Variants in PLEKHM2 observed in about 807,000 individuals in gnomAD.
PLEKHM2 encodes the protein pleckstrin homology domain-containing family M member 2.
A neutral mutation model predicts 116.3 loss-of-function variants in PLEKHM2; 77 were observed. That is an observed-to-expected ratio of 0.66 (90% CI 0.55 to 0.80). The LOEUF is 0.80. Among genes scored for constraint, PLEKHM2 ranks in the 30% least tolerant of loss-of-function variants. PLEKHM2 has a pLI of 0.00. For synonymous variants in PLEKHM2, 562 were observed against 571.0 expected (o/e 0.98, Z 0.22); for missense variants, 1,183 against 1,354.9 (o/e 0.87, Z 1.99).
rs1390978555 is a variant in PLEKHM2, at chr1:15,731,999, C to G, written c.2576C>G (p.Ala859Gly). 3.1e-6 allele frequency: 5 copies of G among 1,612,422 alleles called. No homozygotes were observed. The highest frequency in any genetic ancestry group is 4.2e-6 in the Non-Finnish European group (5 of 1,179,672). ...PCLELSAESE[A>G]EMAEWMQHLC... is the part of the protein sequence containing the mutation. ...CTGGAGCTAAGTGCCGAGAGCGAGGCCGAGATGGCCGAGTGGATGCAGCAT... is the reference window on the plus strand; with the variant it reads ...CTGGAGCTAAGTGCCGAGAGCGAGGGCGAGATGGCCGAGTGGATGCAGCAT... Residue 859 changes from alanine to glycine, a missense_variant, in exon 17 of 20, where the codon GCC (alanine) becomes GGC (glycine). Ala to Gly is a moderately conservative substitution (Grantham distance 60). Coordinates refer to ENST00000375799, the MANE Select transcript of PLEKHM2 (RefSeq NM_015164.4).
At position 15,728,724 on chromosome 1, in the gene PLEKHM2, CTA is replaced by C. The variant is rs778555344; in HGVS notation, c.1979_1980del (p.Tyr660CysfsTer6). ...EEAVSYNELD[Y>X]VSVGLDQQTV... ...AGGCCGTTTCTTACAATGAACTTGA[CTA>C]TGTGTCGGTGAGTCCAGGCCCCGCA... On this transcript the variant is annotated frameshift_variant, in exon 12 of 20. Coordinates refer to ENST00000375799, the MANE Select transcript of PLEKHM2 (RefSeq NM_015164.4). LOFTEE classifies it high-confidence loss of function. The surrounding 1 kb of genome is among the most constrained non-coding windows in gnomAD (Gnocchi z 5.9). 4.3e-6 allele frequency: 7 copies of C among 1,609,742 alleles called. No individual in the cohort carries two copies. Among genetic ancestry groups the C allele is most frequent in the Non-Finnish European group, 5.9e-6 (7 of 1,178,036 alleles).
At chr1:15,730,486 GC>G in intron 14 of PLEKHM2, 45 bp from the exon 15 acceptor site, 1 of 1,455,214 alleles carries the variant, frequency 6.9e-7, no homozygotes. Context: ...CACCTGCCTG[GC>G]CCAGGCCTTA....
In PLEKHM2 at chr1:15,728,244, C is replaced by A. The variant is rs1420637011; in HGVS notation, c.1831-23C>A. 6.8e-6 allele frequency: 11 copies of A among 1,611,728 alleles called. No homozygotes were observed. In the Admixed American group the frequency reaches 1.3e-4, roughly 20 times the overall value. ...GGAGCGGCAGGAGCCACCTGCCTGACCCTTGTCTGCTTCGGCCCCCAGATG... is the reference window on the plus strand; with the variant it reads ...GGAGCGGCAGGAGCCACCTGCCTGAACCTTGTCTGCTTCGGCCCCCAGATG... On this transcript the variant is annotated intron_variant, in intron 10 of 19. Transcript: ENST00000375799. The surrounding 1 kb of genome is among the most constrained non-coding windows in gnomAD (Gnocchi z 5.9).
At chr1:15,722,204 T>C (rs1423394893) in intron 7 of PLEKHM2, among the ~76,000 whole-genome samples, 2 of 152,190 alleles carry the variant, frequency 1.3e-5, no homozygotes, top group African/African-American at 4.8e-5. Context: ...AGTGCAGTGG[T>C]GTGATCTTGG....
Position 15,728,496 on chromosome 1 carries a change from C to G in PLEKHM2, c.1921+139C>G. 2 of 988,346 alleles carry G rather than the reference C, an allele frequency of 2.0e-6. No homozygotes were observed. Among genetic ancestry groups the G allele is most frequent in the South Asian group, 3.1e-5 (2 of 63,554 alleles). 61.2% of individuals were successfully genotyped at this position (988,346 alleles called of 1,614,324 possible). A position where few individuals can be genotyped will look rare whatever the true frequency, so the allele number is the denominator to read the frequency against. On this transcript the variant is annotated intron_variant, in intron 11 of 19. Coordinates refer to ENST00000375799, the MANE Select transcript of PLEKHM2 (RefSeq NM_015164.4). This position sits in a 1 kb window ranked among gnomAD's most constrained non-coding sequence, Gnocchi z 5.9. The stretch of plus-strand genomic sequence containing the variant: ...GAAAGGCACCCCAAGGAAGGTGTTG[C>G]CAGCAGCCCTGAGACGTGAGCCTGG...
chr1:15,725,052 G>GC (rs980452150), intron 7 of PLEKHM2, among the ~76,000 whole-genome samples: 1 of 152,176 alleles, frequency 6.6e-6, no homozygotes, highest in African/African-American at 2.4e-5. Context: ...CACCGCGGGG[G>GC]CCCTTAACAC....
chr1:15,728,469 T>C lies in PLEKHM2; in HGVS notation c.1921+112T>C. ...CTCCCGGCTGCCTGGCATGCAGTGATGGAAAGGCACCCCAAGGAAGGTGTT... is the reference window on the plus strand; with the variant it reads ...CTCCCGGCTGCCTGGCATGCAGTGACGGAAAGGCACCCCAAGGAAGGTGTT... On this transcript the variant is annotated intron_variant, in intron 11 of 19. Transcript: ENST00000375799. The surrounding 1 kb of genome is among the most constrained non-coding windows in gnomAD (Gnocchi z 5.9). 9.3e-7 allele frequency: 1 copy of C among 1,079,942 alleles called. No homozygotes were observed. The highest frequency in any genetic ancestry group is 1.4e-6 in the Non-Finnish European group (1 of 740,518). 66.9% of individuals were successfully genotyped at this position (1,079,942 alleles called of 1,614,324 possible). A position where few individuals can be genotyped will look rare whatever the true frequency, so the allele number is the denominator to read the frequency against.
chr1:15,726,298 C>T (rs2068062841), intron 8 of PLEKHM2, among the ~76,000 whole-genome samples: 1 of 152,230 alleles, frequency 6.6e-6, no homozygotes, highest in African/African-American at 2.4e-5. Context: ...CCAGCAGGGA[C>T]TGTCAACCAG....
chr1:15,718,517 G>C, intron 4 of PLEKHM2, 21 bp from the exon 5 acceptor site: 1 of 1,478,544 alleles, frequency 6.8e-7, no homozygotes, highest in South Asian at 1.2e-5. Context: ...AGGCACCATC[G>C]TGGCTTCTCA....
chr1:15,728,596 G>A lies in PLEKHM2; in HGVS notation c.1922-73G>A. On this transcript the variant is annotated intron_variant, in intron 11 of 19. Transcript: ENST00000375799. The surrounding 1 kb of genome is among the most constrained non-coding windows in gnomAD (Gnocchi z 5.9). ...GAGGCCCTCTAAGAGAGGGGGCTGT[G>A]TCTAAGAAAATGGGGCAGGGGGAGG... 1 of 1,359,606 alleles carries A rather than the reference G, an allele frequency of 7.4e-7. No individual in the cohort carries two copies. The highest frequency in any genetic ancestry group is 1.2e-5 in the South Asian group (1 of 80,820). 84.2% of individuals were successfully genotyped at this position (1,359,606 alleles called of 1,614,324 possible). A position where few individuals can be genotyped will look rare whatever the true frequency, so the allele number is the denominator to read the frequency against.
At chr1:15,705,447 G>A (rs964188043) in intron 1 of PLEKHM2, among the ~76,000 whole-genome samples, 7 of 151,996 alleles carry the variant, frequency 4.6e-5, no homozygotes, top group East Asian at 1.9e-4. Context: ...CTCCCAAAGC[G>A]CTGGGATTAT....
chr1:15,689,630 CTT>C (rs999570627), intron 1 of PLEKHM2, among the ~76,000 whole-genome samples: 5 of 151,516 alleles, frequency 3.3e-5, no homozygotes, highest in African/African-American at 4.8e-5. Context: ...AGAGAACACA[CTT>C]ACAGCACTTA....
chr1:15,732,827 G>A, intron 19 of PLEKHM2, 99 bp downstream of exon 19: 1 of 799,914 alleles, frequency 1.3e-6, no homozygotes, highest in East Asian at 2.7e-5. Flanking sequence ...ACTTGGCCCT[G>A]CCTCCAGGGT....
At position 15,700,328 on chromosome 1, in the gene PLEKHM2, C is replaced by CT. The variant is rs548347529; in HGVS notation, c.60+15711dup. Among the ~76,000 whole-genome samples, 11 of 152,280 alleles carry CT rather than the reference C, an allele frequency of 7.2e-5. No individual in the cohort carries two copies. In the South Asian group the frequency reaches 2.3e-3, roughly 32 times the overall value. On this transcript the variant is annotated intron_variant, in intron 1 of 19. Transcript: ENST00000375799. ...GGGGTGGTGGCAGCTGATGTCCTGA[C>CT]TGCTTTATCTCCAGGTGGGATGAAG...
At chr1:15,710,442 C>G (rs552168091) in intron 1 of PLEKHM2, among the ~76,000 whole-genome samples, 1 of 151,756 alleles carries the variant, frequency 6.6e-6, no homozygotes, top group Non-Finnish European at 1.5e-5. Flanking sequence ...ATTCTCCTGC[C>G]TCAGCCTCCC....
chr1:15,717,585 G>A lies in PLEKHM2; in HGVS notation c.278-308G>A, dbSNP rs1168573472. Among the ~76,000 whole-genome samples, 3 of 152,184 alleles carry A rather than the reference G, an allele frequency of 2.0e-5. 1 individual carries two copies. The highest frequency in any genetic ancestry group is 6.5e-5 in the Admixed American group (1 of 15,284). On this transcript the variant is annotated intron_variant, in intron 3 of 19. Coordinates refer to ENST00000375799, the MANE Select transcript of PLEKHM2 (RefSeq NM_015164.4). ...AATCCCAGCCTGAGCACGTGCTATG[G>A]AGTCTGGTTTCTCTCCCTGAGCTGG...
Position 15,729,726 on chromosome 1 carries a change from T to C in PLEKHM2, c.2076-71T>C, listed in dbSNP as rs2068113018. 5 of 1,425,890 alleles carry C rather than the reference T, an allele frequency of 3.5e-6. No individual in the cohort carries two copies. In the South Asian group the frequency reaches 5.3e-5, roughly 15 times the overall value. The allele number at this position is 1,425,890 out of a possible 1,614,324, so 88.3% of individuals were successfully genotyped here. A position where few individuals can be genotyped will look rare whatever the true frequency, so the allele number is the denominator to read the frequency against. On this transcript the variant is annotated intron_variant, in intron 13 of 19. Coordinates refer to ENST00000375799, the MANE Select transcript of PLEKHM2 (RefSeq NM_015164.4). The surrounding 1 kb of genome is among the most constrained non-coding windows in gnomAD (Gnocchi z 4.7). The stretch of plus-strand genomic sequence containing the variant: ...TGTGACCCCTCCAGGCCAGCAGCGC[T>C]CAAGACTAAGCCCTGTCCAGTTGAG...
At chr1:15,724,903 G>C (rs557656696) in intron 7 of PLEKHM2, among the ~76,000 whole-genome samples, 1 of 152,100 alleles carries the variant, frequency 6.6e-6, no homozygotes, top group Non-Finnish European at 1.5e-5. Context: ...CCCCTGTAGC[G>C]TCCTGGCAGG....
At position 15,729,201 on chromosome 1, in the gene PLEKHM2, A is replaced by G; in HGVS notation, c.2075+11A>G. 6.3e-7 allele frequency: 1 copy of G among 1,589,004 alleles called. No individual in the cohort carries two copies. The highest frequency in any genetic ancestry group is 8.6e-7 in the Non-Finnish European group (1 of 1,168,072). On this transcript the variant is annotated intron_variant, in intron 13 of 19. Transcript: ENST00000375799. The surrounding 1 kb of genome is among the most constrained non-coding windows in gnomAD (Gnocchi z 4.7). Reference sequence around the variant, plus strand: ...TGTGGCGCTGGCTGAGTGAGTGGCAACCCCGCCCCTCTGGAAGGATTGGAG... The same window carrying G: ...TGTGGCGCTGGCTGAGTGAGTGGCAGCCCCGCCCCTCTGGAAGGATTGGAG...
Sources: gnomAD v4.1 joint callset for allele counts (sites outside exome capture counted in the v4.1 genomes callset) on GRCh38, gnomAD v4.1.1 for gene constraint, Gnocchi (gnomAD v3.1) non-coding constraint, MANE v1.5 for transcripts, NCBI Gene and HGNC (gene_info 2026-07-23, HGNC 2026-07-21) for gene names.